The following SYNRG variants were observed in gnomAD, a reference collection of about 807,000 sequenced individuals.
SYNRG encodes the protein AP1 gamma subunit binding protein 1.
A neutral mutation model predicts 130.9 loss-of-function variants in SYNRG; 37 were observed. The observed-to-expected ratio is 0.28, with a 90% CI of 0.22 to 0.37. The LOEUF is 0.37. Ranked by LOEUF, SYNRG falls within the 10% of genes least tolerant of loss-of-function variation. SYNRG has a pLI of 1.00. For synonymous variants in SYNRG, 539 were observed against 568.1 expected, an observed-to-expected ratio of 0.95 and a Z score of 0.73; for missense variants, 1,338 against 1,588.9, an observed-to-expected ratio of 0.84 and a Z score of 2.68.
At chr17:37,600,462 C>T (rs1041755733) in intron 1 of SYNRG, 59 bp from the exon 2 acceptor site, 18 of 1,549,550 alleles carry the variant, frequency 1.2e-5, no homozygotes, top group Admixed American at 1.7e-5. Flanking sequence ...TCAAATAACA[C>T]GTGTACTTTT....
intron 6 of SYNRG, chr17:37,584,442 AAG>A (rs2061545312): frequency 1.8e-5 from 8 of 438,844 alleles, no homozygotes; most frequent in Admixed American, 3.8e-5. Context: ...TTAGAAGACA[AAG>A]AGGTTTTTTC....
At chr17:37,601,866 T>C (rs1418479619) in intron 1 of SYNRG, among the ~76,000 whole-genome samples, 6 of 151,924 alleles carry the variant, frequency 3.9e-5, no homozygotes, top group African/African-American at 1.4e-4. Context: ...GGTTTCACCA[T>C]GATGGCCAGG....
chr17:37,590,167 CAAA>C (rs539326843), intron 3 of SYNRG, among the ~76,000 whole-genome samples: 4 of 80,090 alleles, frequency 5.0e-5, no homozygotes, highest in Non-Finnish European at 2.6e-5. Flanking sequence ...GACTCTGTCT[CAAA>C]AAAAAAAAAA....
intron 1 of SYNRG, 134 bp downstream of exon 1, chr17:37,609,145 T>C (rs753925736): frequency 1.1e-4 from 124 of 1,082,052 alleles, no homozygotes; most frequent in Non-Finnish European, 1.4e-4. Context: ...CCTGGGTCCC[T>C]GGGGGATGAC....
intron 14 of SYNRG, among the ~76,000 whole-genome samples, chr17:37,543,742 T>C (rs144141758): frequency 2.0e-5 from 3 of 152,314 alleles, no homozygotes; most frequent in Non-Finnish European, 2.9e-5. Context: ...AAAGCAAAAA[T>C]GAAAAGTCAA....
Position 37,520,202 on chromosome 17 carries a change from GCTTCT to G in SYNRG, c.3785_3789del (p.Glu1262AlafsTer7). 6.2e-7 allele frequency: 1 copy of G among 1,614,144 alleles called. No homozygotes were observed. Among genetic ancestry groups the G allele is most frequent in the African/African-American group, 1.3e-5 (1 of 75,022 alleles). Reference sequence around the variant, plus strand: ...ACTTTTTTAGGATGTTCTTCTGCAGGCTTCTCTTCTTTCTGAAATAACGTTGAAAC... The same window carrying G: ...ACTTTTTTAGGATGTTCTTCTGCAGGCTTCTTTCTGAAATAACGTTGAAAC... On this transcript the variant is annotated frameshift_variant, in exon 21 of 22. Transcript: ENST00000612223. LOFTEE classifies it high-confidence loss of function.
rs1309950383 is a variant in SYNRG at position 37,536,127 on chromosome 17, C to T, written c.3518G>A (p.Gly1173Asp). ...GGTTACCCTGTACACTTCAACAACA[C>T]CTGACGGGATGAGAGAGCAGAGAGA... ...QSAQGMEYLL[G>D]VVEVYRVTKR... Residue 1173 changes from glycine (G) to aspartate (D), a missense_variant and splice_region_variant, in exon 19 of 22, where the codon GGT becomes GAT. Physicochemically the swap from Gly to Asp is moderately conservative, Grantham distance 94. This residue lies in a region of SYNRG where 1,146 missense variants were observed against 1,342.3 expected (regional missense o/e 0.85). Transcript: ENST00000612223. 3 of 1,607,872 alleles carry T rather than the reference C, an allele frequency of 1.9e-6. No individual in the cohort carries two copies. Among genetic ancestry groups the T allele is most frequent in the Non-Finnish European group, 2.5e-6 (3 of 1,176,692 alleles).
chr17:37,542,222 G>C lies in SYNRG; in HGVS notation c.2952C>G (p.Asp984Glu), dbSNP rs2057824859. 1 of 1,614,064 alleles carries C rather than the reference G, an allele frequency of 6.2e-7. No individual in the cohort carries two copies. Among genetic ancestry groups the C allele is most frequent in the South Asian group, 1.1e-5 (1 of 91,088 alleles). ...TSEQKEYENR[D>E]YKDFTKQDLP... ...GGTCCTGTTTTGTGAAATCTTTATA[G>C]TCTCTGTTTTCATATTCCTTTTGCT... The change falls in exon 15 of 22, where the codon GAC becomes GAG. Residue 984 changes from aspartate to glutamate, a missense_variant. Physicochemically the swap from Asp to Glu is conservative, Grantham distance 45. Around this residue, in one of 3 missense-constraint regions of SYNRG, gnomAD observed 1,146 missense variants for 1,342.3 expected, o/e 0.85. Transcript: ENST00000612223.
chr17:37,530,811 G>A (rs1214373021), intron 19 of SYNRG, among the ~76,000 whole-genome samples: 3 of 152,204 alleles, frequency 2.0e-5, no homozygotes, highest in Non-Finnish European at 4.4e-5. Flanking sequence ...GGGCAGTGAT[G>A]TGTGGTACTA....
intron 8 of SYNRG, among the ~76,000 whole-genome samples, chr17:37,572,430 C>CAA (rs1406395987): frequency 5.9e-5 from 7 of 117,856 alleles, no homozygotes; most frequent in African/African-American, 2.2e-4. Flanking sequence ...GACTCCGTTT[C>CAA]AAAAAAAAAA....
chr17:37,588,119 C>T (rs887985075), intron 3 of SYNRG, among the ~76,000 whole-genome samples: 2 of 152,116 alleles, frequency 1.3e-5, no homozygotes, highest in Non-Finnish European at 2.9e-5. Context: ...ATCCTTAATT[C>T]CCTTAATTGT....
At chr17:37,606,307 T>C (rs1313571320) in intron 1 of SYNRG, among the ~76,000 whole-genome samples, 1 of 152,238 alleles carries the variant, frequency 6.6e-6, no homozygotes, top group African/African-American at 2.4e-5. Flanking sequence ...TTCTTTGCCT[T>C]TGATATAGCT....
chr17:37,554,157 C>G, intron 13 of SYNRG, 98 bp from the exon 14 acceptor site: 1 of 1,071,514 alleles, frequency 9.3e-7, no homozygotes, highest in Non-Finnish European at 1.3e-6. Context: ...ACTGACTTTT[C>G]TCCACTGACT....
At chr17:37,585,228 TGGGCTG>T (rs1320242563) in intron 5 of SYNRG, 91 bp downstream of exon 5, 2 of 919,164 alleles carry the variant, frequency 2.2e-6, no homozygotes, top group African/African-American at 3.4e-5. Context: ...AGCCTCAGCT[TGGGCTG>T]GTGCCCCAGT....
rs182760611 is a variant in SYNRG at position 37,585,202 on chromosome 17, G to A, written c.477+123C>T. 112 of 755,872 alleles carry A rather than the reference G, an allele frequency of 1.5e-4. No individual in the cohort carries two copies. In the African/African-American group the frequency reaches 1.7e-3, roughly 11 times the overall value. The allele number at this position is 755,872 out of a possible 1,614,324, so 46.8% of individuals were successfully genotyped here. On this transcript the variant is annotated intron_variant, in intron 5 of 21. Coordinates refer to ENST00000612223, the MANE Select transcript of SYNRG (RefSeq NM_007247.6). The stretch of plus-strand genomic sequence containing the variant: ...CATTAGTAATTAGGTAAACCAAAAT[G>A]AGAAGAATCAATCACAGCCTCAGCT...
chr17:37,591,309 TAC>T (rs1293076619), intron 3 of SYNRG, among the ~76,000 whole-genome samples: 1 of 152,220 alleles, frequency 6.6e-6, no homozygotes, highest in African/African-American at 2.4e-5. Context: ...AATGATAGTT[TAC>T]ACAGTCTTCT....
Position 37,553,932 on chromosome 17 carries a change from T to G in SYNRG, c.1791A>C (p.Ser597=). The G allele has an allele frequency of 6.2e-7, 1 of 1,611,412 alleles. No individual in the cohort carries two copies. Among genetic ancestry groups the G allele is most frequent in the Non-Finnish European group, 8.5e-7 (1 of 1,179,522 alleles). ...TTTGTTGTTTCTGTTGTATAGTTCC[T>G]GAGGGGAAGGATGGTGGAAAAGTTT... ...KDKTFPPSFP[S]GTIQQKQQTQ... is the part of the protein sequence containing the mutation. The change falls in exon 14 of 22, where the codon TCA becomes TCC. Residue 597 remains serine (S), a synonymous_variant. Transcript: ENST00000612223.
At chr17:37,550,742 T>C (rs566246057) in intron 14 of SYNRG, among the ~76,000 whole-genome samples, 3 of 151,056 alleles carry the variant, frequency 2.0e-5, no homozygotes, top group East Asian at 3.9e-4. Flanking sequence ...ATTTTCAATG[T>C]CAAAGAAGAG....
intron 21 of SYNRG, among the ~76,000 whole-genome samples, chr17:37,519,841 G>A (rs1239264317): frequency 1.3e-5 from 2 of 152,148 alleles, no homozygotes; most frequent in Non-Finnish European, 2.9e-5. Context: ...TGTTAAAATG[G>A]CTAAATGGCT....
Sources: gnomAD v4.1 joint callset for allele counts (sites outside exome capture counted in the v4.1 genomes callset) on GRCh38, gnomAD v4.1.1 for gene constraint, gnomAD v4.1.1 regional missense constraint, MANE v1.5 for transcripts, NCBI Gene and HGNC (gene_info 2026-07-23, HGNC 2026-07-21) for gene names.